LRGUK: variants seen among roughly 807,000 people sequenced by gnomAD.
The protein encoded by LRGUK is leucine rich repeats and guanylate kinase domain containing, also known as leucine-rich repeat and guanylate kinase domain-containing protein.
A neutral mutation model predicts 76.0 loss-of-function variants in LRGUK; 65 were observed. The ratio of observed to expected loss-of-function variants is 0.85; its 90% CI spans 0.70 to 1.05. LRGUK has a LOEUF of 1.05. Among genes scored for constraint, LRGUK ranks in the 50% least tolerant of loss-of-function variants. LRGUK has a pLI of 0.00. For synonymous variants in LRGUK, 268 were observed against 265.6 expected (o/e 1.01, Z -0.09); for missense variants, 758 against 732.8 (o/e 1.03, Z -0.40).
downstream of LRGUK, among the ~76,000 whole-genome samples, chr7:134,268,886 C>T (rs1300465344): frequency 1.3e-5 from 2 of 151,692 alleles, no homozygotes; most frequent in Admixed American, 1.3e-4. Context: ...CCTGCCACTG[C>T]ACCCGGCTAA....
chr7:134,262,176 C>G (rs1239257011), intron 19 of LRGUK, among the ~76,000 whole-genome samples: 1 of 151,840 alleles, frequency 6.6e-6, no homozygotes, highest in Admixed American at 6.6e-5. Context: ...GCATTCGAGA[C>G]CAGTCTGGCC....
chr7:134,225,127 A>G (rs1273081254), intron 16 of LRGUK, among the ~76,000 whole-genome samples: 79 of 90,990 alleles, frequency 8.7e-4, no homozygotes, highest in African/African-American at 4.4e-3. Flanking sequence ...CAGAACTGGA[A>G]AAAAAAAAAA....
chr7:134,177,109 A>G, intron 9 of LRGUK, 46 bp downstream of exon 9: 2 of 1,246,378 alleles, frequency 1.6e-6, no homozygotes, highest in Non-Finnish European at 2.3e-6. Flanking sequence ...TTGGGTTAAT[A>G]TGCTCAAAAG....
At chr7:134,220,713 C>T (rs552716207) in intron 15 of LRGUK, among the ~76,000 whole-genome samples, 107 of 152,110 alleles carry the variant, frequency 7.0e-4, no homozygotes, top group Non-Finnish European at 9.6e-4. Context: ...GGATTACAGG[C>T]ACACACCACC....
chr7:134,177,836 C>CT (rs1799546891), intron 9 of LRGUK, among the ~76,000 whole-genome samples: 1 of 152,206 alleles, frequency 6.6e-6, no homozygotes, highest in South Asian at 2.1e-4. Flanking sequence ...TTAGATTCCT[C>CT]TTTTCCTTTA....
At chr7:134,216,764 T>A (rs1220623134) in intron 15 of LRGUK, among the ~76,000 whole-genome samples, 2 of 152,180 alleles carry the variant, frequency 1.3e-5, no homozygotes, top group Non-Finnish European at 2.9e-5. Flanking sequence ...ACCAGATCTA[T>A]ATACCCTCAG....
chr7:134,252,881 G>T (rs1315525154), intron 18 of LRGUK, among the ~76,000 whole-genome samples: 1 of 152,128 alleles, frequency 6.6e-6, no homozygotes, highest in Non-Finnish European at 1.5e-5. Context: ...TTCAATACTA[G>T]AGCCCTGAAC....
At chr7:134,196,317 C>G (rs1365920962) in intron 12 of LRGUK, among the ~76,000 whole-genome samples, 1 of 144,318 alleles carries the variant, frequency 6.9e-6, no homozygotes, top group African/African-American at 2.5e-5. Context: ...TTTTTTTTTT[C>G]CCAAGGGAAT....
At chr7:134,244,197 C>T (rs1421587618) in intron 16 of LRGUK, among the ~76,000 whole-genome samples, 5 of 152,100 alleles carry the variant, frequency 3.3e-5, no homozygotes, top group Non-Finnish European at 7.4e-5. Context: ...CCAAAATTGA[C>T]AAATGGGATA....
chr7:134,157,279 C>T (rs1452748678), intron 5 of LRGUK, among the ~76,000 whole-genome samples: 1 of 152,156 alleles, frequency 6.6e-6, no homozygotes, highest in African/African-American at 2.4e-5. Context: ...CTTTGGACCA[C>T]CCATTTGCTG....
intron 3 of LRGUK, among the ~76,000 whole-genome samples, chr7:134,139,818 A>C (rs1797694179): frequency 6.6e-6 from 1 of 152,164 alleles, no homozygotes; most frequent in Non-Finnish European, 1.5e-5. Flanking sequence ...TACTCCCTGA[A>C]TATTTAATGA....
chr7:134,220,493 G>C (rs929055810), intron 15 of LRGUK, among the ~76,000 whole-genome samples: 3 of 152,000 alleles, frequency 2.0e-5, no homozygotes, highest in African/African-American at 7.3e-5. Flanking sequence ...CTGTCCCCAG[G>C]CAAAGTCCCT....
At chr7:134,158,795 C>A (rs960111019) in intron 6 of LRGUK, among the ~76,000 whole-genome samples, 3 of 152,150 alleles carry the variant, frequency 2.0e-5, no homozygotes, top group Admixed American at 2.0e-4. Context: ...TCTAATAGTC[C>A]CAAAGATATA....
At chr7:134,161,632 ATGTACCAGAAAACG>A (rs975529936) in intron 6 of LRGUK, among the ~76,000 whole-genome samples, 97 of 152,048 alleles carry the variant, frequency 6.4e-4, no homozygotes, top group African/African-American at 1.9e-3. Context: ...TTGCTATGAA[ATGTACCAGAAAACG>A]TGTACCAGGG....
Position 134,243,124 on chromosome 7 carries a change from T to C in LRGUK, c.1984-4432T>C, listed in dbSNP as rs1585594787. Among the ~76,000 whole-genome samples, 3 of 152,244 alleles carry C rather than the reference T, an allele frequency of 2.0e-5. No homozygotes were observed. In the South Asian group the frequency reaches 6.2e-4, roughly 32 times the overall value. On this transcript the variant is annotated intron_variant, in intron 16 of 19. Transcript: ENST00000285928. ...ACTGAATGGGCAAAAACTGGAAGCA[T>C]TCCCTTTGAGAACTGGAATAAGACA...
chr7:134,206,208 A>G (rs1440737823), intron 15 of LRGUK, among the ~76,000 whole-genome samples: 1 of 152,206 alleles, frequency 6.6e-6, no homozygotes, highest in African/African-American at 2.4e-5. Context: ...AAATCTTCAG[A>G]TATCCCCTTA....
intron 7 of LRGUK, among the ~76,000 whole-genome samples, chr7:134,170,809 C>T (rs186079043): frequency 9.9e-5 from 15 of 152,260 alleles, no homozygotes; most frequent in Admixed American, 9.2e-4. Flanking sequence ...TTCATTAACT[C>T]ATTTAAAAAA....
At chr7:134,266,165 A>G (rs1397355112), downstream of LRGUK, among the ~76,000 whole-genome samples, 2 of 152,186 alleles carry the variant, frequency 1.3e-5, no homozygotes, top group African/African-American at 4.8e-5. Flanking sequence ...TACTGAGACA[A>G]CAGATTGAAA....
downstream of LRGUK, among the ~76,000 whole-genome samples, chr7:134,211,374 G>A (rs747673642): frequency 2.0e-5 from 3 of 152,172 alleles, no homozygotes; most frequent in African/African-American, 7.2e-5. Context: ...AGGAAAATTC[G>A]CTTCTAGACT....
Sources: gnomAD v4.1 joint callset for allele counts (sites outside exome capture counted in the v4.1 genomes callset) on GRCh38, gnomAD v4.1.1 for gene constraint, MANE v1.5 for transcripts, NCBI Gene and HGNC (gene_info 2026-07-23, HGNC 2026-07-21) for gene names.